The following ROBO1 variants were observed in gnomAD, a reference collection of about 807,000 sequenced individuals.
The protein encoded by ROBO1 is roundabout guidance receptor 1, also known as roundabout homolog 1.
ROBO1 carries 149 observed loss-of-function variants against 195.9 expected under a neutral mutation model. That is an observed-to-expected ratio of 0.76 (90% confidence interval 0.67 to 0.87). ROBO1 has a LOEUF of 0.87. Among genes scored for constraint, ROBO1 ranks in the 40% least tolerant of loss-of-function variants. The pLI, the probability that ROBO1 is intolerant of heterozygous loss-of-function variation, is 0.00. For synonymous variants in ROBO1, 816 were observed against 733.2 expected (o/e 1.11, Z -1.82); for missense variants, 1,933 against 2,068.3 (o/e 0.93, Z 1.27).
At chr3:79,378,858 G>A (rs181742335) in intron 2 of ROBO1, among the ~76,000 whole-genome samples, 3 of 152,300 alleles carry the variant, frequency 2.0e-5, no homozygotes, top group African/African-American at 7.2e-5. Flanking sequence ...GGGAAAGGCT[G>A]AGCATCAGTT....
intron 2 of ROBO1, among the ~76,000 whole-genome samples, chr3:79,310,361 G>A (rs187576912): frequency 3.7e-4 from 57 of 152,200 alleles, no homozygotes; most frequent in Non-Finnish European, 6.3e-4. Context: ...TGGGACTGGG[G>A]GCCTTTTATA....
chr3:79,357,955 C>T (rs1273570522), intron 2 of ROBO1, among the ~76,000 whole-genome samples: 4 of 151,940 alleles, frequency 2.6e-5, no homozygotes, highest in Non-Finnish European at 5.9e-5. Flanking sequence ...TTTTACATAC[C>T]AACTTTTTAG....
At chr3:78,640,822 C>T (rs917389580) in intron 21 of ROBO1, among the ~76,000 whole-genome samples, 1 of 152,094 alleles carries the variant, frequency 6.6e-6, no homozygotes, top group South Asian at 2.1e-4. Context: ...ATTACAGACT[C>T]TGCAAAGATT....
chr3:79,355,296 T>C (rs1559840831), intron 2 of ROBO1, among the ~76,000 whole-genome samples: 1 of 152,158 alleles, frequency 6.6e-6, no homozygotes, highest in Non-Finnish European at 1.5e-5. Context: ...AATGCAGCTG[T>C]AATAAGTGCA....
At chr3:79,572,147 G>C (rs1943299200) in intron 2 of ROBO1, among the ~76,000 whole-genome samples, 1 of 151,778 alleles carries the variant, frequency 6.6e-6, no homozygotes, top group Non-Finnish European at 1.5e-5. Flanking sequence ...AAAACTTAAA[G>C]TACAATAATA....
intron 4 of ROBO1, among the ~76,000 whole-genome samples, chr3:78,874,222 T>C (rs1308604684): frequency 6.6e-6 from 1 of 151,904 alleles, no homozygotes. Context: ...AAGCACATAG[T>C]AGGTACTAAA....
At chr3:78,639,049 G>C (rs891721933) in intron 22 of ROBO1, among the ~76,000 whole-genome samples, 1 of 152,138 alleles carries the variant, frequency 6.6e-6, no homozygotes, top group South Asian at 2.1e-4. Context: ...GGGAGGCTGA[G>C]GCAGGAGAAT....
At chr3:79,215,633 GAC>G (rs896540946) in intron 2 of ROBO1, among the ~76,000 whole-genome samples, 1 of 152,178 alleles carries the variant, frequency 6.6e-6, no homozygotes, top group Non-Finnish European at 1.5e-5. Context: ...TGGATAATAA[GAC>G]ATACAGTCTC....
intron 1 of ROBO1, among the ~76,000 whole-genome samples, chr3:79,695,419 T>A (rs1359920929): frequency 6.6e-6 from 1 of 151,580 alleles, no homozygotes; most frequent in Non-Finnish European, 1.5e-5. Flanking sequence ...ATGACTTTAC[T>A]TTGAATTTTG....
chr3:78,750,670 A>C (rs985228741), intron 4 of ROBO1, among the ~76,000 whole-genome samples: 3 of 152,112 alleles, frequency 2.0e-5, no homozygotes, highest in Non-Finnish European at 2.9e-5. Flanking sequence ...GGTAATATTA[A>C]GATAGGAAGC....
At chr3:78,715,162 A>G (rs1461994398) in intron 7 of ROBO1, 1 of 152,172 alleles carries the variant, frequency 6.6e-6, no homozygotes, top group African/African-American at 2.4e-5. Context: ...CTACCACACA[A>G]ACATTTCCTA....
intron 4 of ROBO1, among the ~76,000 whole-genome samples, chr3:78,877,311 T>G (rs1374125112): frequency 6.6e-6 from 1 of 152,090 alleles, no homozygotes; most frequent in Non-Finnish European, 1.5e-5. Flanking sequence ...GAAATTCTGA[T>G]GTAAAACTAA....
intron 2 of ROBO1, among the ~76,000 whole-genome samples, chr3:79,125,743 A>G (rs1322398842): frequency 3.3e-5 from 5 of 152,154 alleles, no homozygotes; most frequent in African/African-American, 1.2e-4. Context: ...TACAGTTTCT[A>G]CTTTTTCTCC....
chr3:79,747,740 T>G (rs541518707), intron 1 of ROBO1, among the ~76,000 whole-genome samples: 168 of 152,140 alleles, frequency 1.1e-3, no homozygotes, highest in Non-Finnish European at 2.1e-3. Context: ...TGACTAATAT[T>G]TAAGAAATAT....
intron 2 of ROBO1, among the ~76,000 whole-genome samples, chr3:79,467,940 A>G (rs1050535648): frequency 1.3e-5 from 2 of 152,182 alleles, no homozygotes; most frequent in Non-Finnish European, 2.9e-5. Flanking sequence ...CCTGTGGCAT[A>G]TCCTGTGAGC....
intron 2 of ROBO1, among the ~76,000 whole-genome samples, chr3:79,409,235 T>A (rs1033574224): frequency 1.3e-5 from 2 of 152,144 alleles, no homozygotes; most frequent in Admixed American, 6.6e-5. Context: ...AATATTTTTA[T>A]GCATTCAGAA....
chr3:78,666,881 T>C (rs1575879096), intron 14 of ROBO1, among the ~76,000 whole-genome samples: 1 of 151,250 alleles, frequency 6.6e-6, no homozygotes, highest in African/African-American at 2.4e-5. Flanking sequence ...ACCAAGTCTA[T>C]TTTTTTTTCT....
intron 5 of ROBO1, among the ~76,000 whole-genome samples, chr3:78,724,481 GCC>G (rs1170155750): frequency 7.0e-4 from 97 of 138,988 alleles, no homozygotes; most frequent in African/African-American, 2.5e-3. Flanking sequence ...TTTGAGACCA[GCC>G]TGGCCAACAT....
intron 26 of ROBO1, among the ~76,000 whole-genome samples, chr3:78,621,360 C>G (rs1372114274): frequency 6.6e-6 from 1 of 152,140 alleles, no homozygotes; most frequent in Non-Finnish European, 1.5e-5. Context: ...ACAAAGGAGA[C>G]TATTTTGACC....
Sources: gnomAD v4.1 joint callset for allele counts (sites outside exome capture counted in the v4.1 genomes callset) on GRCh38, gnomAD v4.1.1 for gene constraint, MANE v1.5 for transcripts, NCBI Gene and HGNC (gene_info 2026-07-23, HGNC 2026-07-21) for gene names.